The following LRRC63 variants were observed in gnomAD, a reference collection of about 807,000 sequenced individuals.
LRRC63 encodes the protein leucine rich repeat containing 63, also known as leucine-rich repeat-containing protein 63.
Under a neutral mutation model 49.5 loss-of-function variants are expected in LRRC63, and 40 were observed. That is an observed-to-expected ratio of 0.81 (90% CI 0.63 to 1.05). The LOEUF (loss-of-function observed/expected upper bound fraction) is 1.05, where lower values mean the gene tolerates loss of function less well. Ranked by LOEUF, LRRC63 falls within the 50% of genes least tolerant of loss-of-function variation. The pLI, the probability that LRRC63 is intolerant of heterozygous loss-of-function variation, is 0.00. For missense variants in LRRC63, 636 were observed against 663.1 expected (o/e 0.96, Z 0.45); for synonymous variants, 191 against 221.1 (o/e 0.86, Z 1.21).
chr13:46,263,989 T>C (rs750736389), intron 8 of LRRC63, among the ~76,000 whole-genome samples: 2 of 152,050 alleles, frequency 1.3e-5, no homozygotes, highest in Non-Finnish European at 2.9e-5. Flanking sequence ...TCTTTAACCC[T>C]GACAAATAAA....
chr13:46,245,321 A>T (rs2047184115), intron 5 of LRRC63, among the ~76,000 whole-genome samples: 1 of 152,214 alleles, frequency 6.6e-6, no homozygotes, highest in South Asian at 2.1e-4. Flanking sequence ...CAATAAAGAT[A>T]TAGAAGATCT....
chr13:46,229,270 T>A (rs2046672890), intron 4 of LRRC63, among the ~76,000 whole-genome samples: 1 of 152,186 alleles, frequency 6.6e-6, no homozygotes, highest in African/African-American at 2.4e-5. Context: ...ACTTCTGGGT[T>A]TTTTCCATTA....
chr13:46,232,273 C>T (rs545293468), intron 4 of LRRC63, among the ~76,000 whole-genome samples: 5 of 152,278 alleles, frequency 3.3e-5, no homozygotes, highest in Admixed American at 2.6e-4. Context: ...AGGACAACAT[C>T]CAAACTATAT....
chr13:46,229,996 A>G (rs752537115), intron 4 of LRRC63, among the ~76,000 whole-genome samples: 24 of 152,180 alleles, frequency 1.6e-4, no homozygotes, highest in Admixed American at 7.2e-4. Context: ...ACAAACTTTA[A>G]AACAGCCAGA....
chr13:46,256,733 AT>A (rs1030605949), intron 7 of LRRC63, among the ~76,000 whole-genome samples: 6 of 152,194 alleles, frequency 3.9e-5, no homozygotes, highest in African/African-American at 1.4e-4. Flanking sequence ...CCTAATTTAG[AT>A]GATGAGATAT....
chr13:46,230,509 G>A (rs530983248), intron 4 of LRRC63, among the ~76,000 whole-genome samples: 2 of 152,282 alleles, frequency 1.3e-5, no homozygotes, highest in Admixed American at 6.5e-5. Context: ...TTCAGTCTAT[G>A]GCTAAAGGCC....
At chr13:46,267,086 C>A in intron 9 of LRRC63, 114 bp downstream of exon 9, 1 of 985,570 alleles carries the variant, frequency 1.0e-6, no homozygotes. Flanking sequence ...CCATGACACA[C>A]ACAAAACCAT....
At chr13:46,240,658 C>G (rs2047036050) in intron 5 of LRRC63, among the ~76,000 whole-genome samples, 1 of 152,092 alleles carries the variant, frequency 6.6e-6, no homozygotes, top group Admixed American at 6.6e-5. Context: ...ATCAATGTGC[C>G]AAAATCACAG....
At chr13:46,231,721 A>T (rs1041793177) in intron 4 of LRRC63, among the ~76,000 whole-genome samples, 1 of 150,462 alleles carries the variant, frequency 6.6e-6, no homozygotes, top group African/African-American at 2.5e-5. Flanking sequence ...TGTTGACCAG[A>T]CTGGTCTCAA....
exon 7 of LRRC63, chr13:46,250,382 C>T (rs1283409980): frequency 1.3e-6 from 2 of 1,521,108 alleles, no homozygotes; most frequent in African/African-American, 1.4e-5. Context: ...TTTACAAATA[C>T]TGAAATTGAG....
At position 46,234,122 on chromosome 13, in the gene LRRC63, T is replaced by C. The variant is rs996351992; in HGVS notation, c.833-70T>C. ...TAACTCAATATTATCATAAGATAAA[T>C]ACCTCTTAACTTTCATTCTAAGTGA... On this transcript the variant is annotated intron_variant, in intron 4 of 9. Transcript: ENST00000595396. 7 of 1,362,714 alleles carry C rather than the reference T, an allele frequency of 5.1e-6. No individual in the cohort carries two copies. In the African/African-American group the frequency reaches 1.0e-4, roughly 20 times the overall value. 84.4% of individuals were successfully genotyped at this position (1,362,714 alleles called of 1,614,324 possible).
At chr13:46,233,122 G>A (rs1266491221) in intron 4 of LRRC63, among the ~76,000 whole-genome samples, 1 of 152,102 alleles carries the variant, frequency 6.6e-6, no homozygotes, top group African/African-American at 2.4e-5. Flanking sequence ...GCTTTATTGA[G>A]TTTCTTCTCT....
At chr13:46,218,458 A>G (rs1306859451) in intron 2 of LRRC63, among the ~76,000 whole-genome samples, 1 of 151,972 alleles carries the variant, frequency 6.6e-6, no homozygotes, top group Non-Finnish European at 1.5e-5. Context: ...TGCTTGGTAA[A>G]TATTCCTCCA....
At chr13:46,229,717 CGAGGCCCGCCTGGAACATAGT>C (rs1235340015) in intron 4 of LRRC63, among the ~76,000 whole-genome samples, 1 of 152,066 alleles carries the variant, frequency 6.6e-6, no homozygotes, top group Non-Finnish European at 1.5e-5. Flanking sequence ...CCCAGGAGTT[CGAGGCCCGCCTGGAACATAGT>C]GAGACTCAGT....
intron 4 of LRRC63, among the ~76,000 whole-genome samples, chr13:46,232,702 C>T (rs534061698): frequency 3.0e-4 from 45 of 151,742 alleles, no homozygotes; most frequent in African/African-American, 8.5e-4. Context: ...AGTTCATCCT[C>T]GAAGTCCAAC....
chr13:46,271,700 A>G (rs1458420844), intron 9 of LRRC63, among the ~76,000 whole-genome samples: 1 of 149,520 alleles, frequency 6.7e-6, no homozygotes, highest in Non-Finnish European at 1.5e-5. Flanking sequence ...AAAGGAGCAA[A>G]TGCTTTCACA....
intron 5 of LRRC63, among the ~76,000 whole-genome samples, chr13:46,237,451 T>TG (rs1452464601): frequency 1.3e-5 from 2 of 152,114 alleles, no homozygotes; most frequent in Non-Finnish European, 2.9e-5. Context: ...TTGTTAATGT[T>TG]GGGGGAAGGC....
chr13:46,250,458 T>C (rs1420346892), exon 7 of LRRC63: 76 of 1,536,050 alleles, frequency 4.9e-5, no homozygotes, highest in Non-Finnish European at 6.5e-5. Context: ...ATTTTCACCA[T>C]TGCTTTTAAT....
intron 4 of LRRC63, among the ~76,000 whole-genome samples, chr13:46,232,977 A>G (rs1374900429): frequency 6.6e-6 from 1 of 152,198 alleles, no homozygotes; most frequent in Non-Finnish European, 1.5e-5. Flanking sequence ...AATAATTCAA[A>G]TAGCTGCATT....
Sources: gnomAD v4.1 joint callset for allele counts (sites outside exome capture counted in the v4.1 genomes callset) on GRCh38, gnomAD v4.1.1 for gene constraint, MANE v1.5 for transcripts, NCBI Gene and HGNC (gene_info 2026-07-23, HGNC 2026-07-21) for gene names.